SLC24A3: variants seen among roughly 807,000 people sequenced by gnomAD.
SLC24A3 encodes sodium/potassium/calcium exchanger 3.
A neutral mutation model predicts 75.8 loss-of-function variants in SLC24A3; 28 were observed. That is an observed-to-expected ratio of 0.37 (90% CI 0.27 to 0.51). The LOEUF (loss-of-function observed/expected upper bound fraction) is 0.51. SLC24A3 is among the 20% of genes least tolerant of loss of function. SLC24A3 has a pLI of 0.94. For missense variants in SLC24A3, 663 were observed against 847.8 expected, an observed-to-expected ratio of 0.78 and a Z score of 2.71; for synonymous variants, 372 against 334.1, an observed-to-expected ratio of 1.11 and a Z score of -1.24.
intron 1 of SLC24A3, among the ~76,000 whole-genome samples, chr20:19,276,359 T>C (rs565404998): frequency 6.6e-6 from 1 of 152,204 alleles, no homozygotes; most frequent in Non-Finnish European, 1.5e-5. Flanking sequence ...CTGTTCCCAA[T>C]TCAGTCACAT....
intron 1 of SLC24A3, among the ~76,000 whole-genome samples, chr20:19,231,912 A>G (rs1286085806): frequency 6.6e-6 from 1 of 152,162 alleles, no homozygotes; most frequent in Non-Finnish European, 1.5e-5. Context: ...AGCTCATTTT[A>G]TTGTTGTCAC....
chr20:19,569,944 T>C (rs2031026014), intron 3 of SLC24A3, among the ~76,000 whole-genome samples: 1 of 152,178 alleles, frequency 6.6e-6, no homozygotes, highest in East Asian at 1.9e-4. Flanking sequence ...GTCAAACCCT[T>C]TTGAGTTGGC....
At chr20:19,364,371 C>T (rs866644229) in intron 2 of SLC24A3, among the ~76,000 whole-genome samples, 6 of 152,110 alleles carry the variant, frequency 3.9e-5, no homozygotes, top group African/African-American at 1.2e-4. Flanking sequence ...GATCTCAGGG[C>T]AACCTTATTT....
chr20:19,470,852 G>C (rs1342215768), intron 2 of SLC24A3, among the ~76,000 whole-genome samples: 3 of 152,158 alleles, frequency 2.0e-5, no homozygotes, highest in African/African-American at 4.8e-5. Flanking sequence ...GGCTAGCTGA[G>C]GTGCAAAACA....
intron 6 of SLC24A3, among the ~76,000 whole-genome samples, chr20:19,590,148 T>TTTC (rs778567241): frequency 3.3e-5 from 5 of 150,676 alleles, no homozygotes; most frequent in Non-Finnish European, 7.4e-5. Context: ...CCATTGAAAG[T>TTTC]AATGGCAAAA....
At chr20:19,695,005 CGT>C (rs879697235) in intron 13 of SLC24A3, 5 of 152,290 alleles carry the variant, frequency 3.3e-5, no homozygotes, top group African/African-American at 4.8e-5. Flanking sequence ...ATAGAAACAG[CGT>C]GTGTTTCTGC....
chr20:19,362,833 G>A (rs6136688), intron 2 of SLC24A3, among the ~76,000 whole-genome samples: 8,322 of 152,154 alleles, frequency 0.055, 596 homozygotes, highest in East Asian at 0.25. Context: ...CATGGGTCTC[G>A]GGGCAAAAAT....
At chr20:19,425,063 G>T (rs1189714297) in intron 2 of SLC24A3, among the ~76,000 whole-genome samples, 1 of 152,114 alleles carries the variant, frequency 6.6e-6, no homozygotes, top group African/African-American at 2.4e-5. Flanking sequence ...CCAGCACTTT[G>T]GGAGGCCGAG....
intron 2 of SLC24A3, among the ~76,000 whole-genome samples, chr20:19,443,698 T>C (rs1359487614): frequency 6.6e-6 from 1 of 152,220 alleles, no homozygotes; most frequent in African/African-American, 2.4e-5. Context: ...ATAGGACTTT[T>C]ATTATGATGT....
chr20:19,451,196 A>G (rs1290767470), intron 2 of SLC24A3, among the ~76,000 whole-genome samples: 1 of 152,228 alleles, frequency 6.6e-6, no homozygotes, highest in Admixed American at 6.5e-5. Context: ...AAGAAAACAC[A>G]TATTTTAAAA....
intron 2 of SLC24A3, among the ~76,000 whole-genome samples, chr20:19,332,703 T>G (rs1192827363): frequency 6.6e-6 from 1 of 152,098 alleles, no homozygotes; most frequent in African/African-American, 2.4e-5. Flanking sequence ...AGAAGGGTAT[T>G]TGGGGGTTCC....
At chr20:19,621,506 C>T (rs1245367342) in intron 6 of SLC24A3, among the ~76,000 whole-genome samples, 3 of 152,204 alleles carry the variant, frequency 2.0e-5, no homozygotes, top group South Asian at 2.1e-4. Context: ...CTCATCCCCT[C>T]GGGAATTTCC....
rs543807117 is a variant in SLC24A3 at position 19,689,031 on chromosome 20, A to T, written c.1324+3670A>T. Among the ~76,000 whole-genome samples the T allele has an allele frequency of 1.2e-4, 18 of 152,338 alleles. No homozygotes were observed. The South Asian group carries it at 3.5e-3, about 30-fold the overall frequency. Reference sequence around the variant, plus strand: ...TGCACATACATACATATAAACGTGCAGCTATTGTTATCTCTTGGGTGAAGA... The same window carrying T: ...TGCACATACATACATATAAACGTGCTGCTATTGTTATCTCTTGGGTGAAGA... On this transcript the variant is annotated intron_variant, in intron 12 of 16. Transcript: ENST00000328041.
chr20:19,361,637 T>G (rs780885173), intron 2 of SLC24A3, among the ~76,000 whole-genome samples: 2 of 152,330 alleles, frequency 1.3e-5, no homozygotes, highest in East Asian at 3.9e-4. Context: ...GTTTTTGAAT[T>G]GTATCTCAGC....
chr20:19,314,767 G>A (rs1568586754), intron 2 of SLC24A3, among the ~76,000 whole-genome samples: 1 of 152,168 alleles, frequency 6.6e-6, no homozygotes, highest in African/African-American at 2.4e-5. Flanking sequence ...ACAGTCTTCC[G>A]GAAGGAATGT....
intron 3 of SLC24A3, among the ~76,000 whole-genome samples, chr20:19,533,307 G>A (rs368282498): frequency 3.3e-5 from 5 of 152,160 alleles, no homozygotes; most frequent in African/African-American, 7.2e-5. Context: ...AATGGTTTAC[G>A]CAGAAGCTTG....
At chr20:19,686,911 C>T (rs1195772289) in intron 12 of SLC24A3, among the ~76,000 whole-genome samples, 7 of 152,192 alleles carry the variant, frequency 4.6e-5, no homozygotes, top group Non-Finnish European at 1.0e-4. Flanking sequence ...ATTTTGCCAC[C>T]ATCAGATATA....
chr20:19,675,721 T>TA (rs1294535601), intron 9 of SLC24A3, among the ~76,000 whole-genome samples: 1 of 152,158 alleles, frequency 6.6e-6, no homozygotes, highest in East Asian at 1.9e-4. Flanking sequence ...CATTTAAAAA[T>TA]ACCAATAGAT....
chr20:19,225,566 C>A (rs1047488373), intron 1 of SLC24A3, among the ~76,000 whole-genome samples: 1 of 152,084 alleles, frequency 6.6e-6, no homozygotes, highest in South Asian at 2.1e-4. Flanking sequence ...ATATATCACC[C>A]CAAAAACCCC....
Sources: gnomAD v4.1 joint callset for allele counts (sites outside exome capture counted in the v4.1 genomes callset) on GRCh38, gnomAD v4.1.1 for gene constraint, MANE v1.5 for transcripts, NCBI Gene and HGNC (gene_info 2026-07-23, HGNC 2026-07-21) for gene names.